The following SLC25A33 variants were observed in gnomAD, a reference collection of about 807,000 sequenced individuals.
SLC25A33 encodes the protein bone marrow stromal cell mitochondrial carrier protein.
In SLC25A33, 15 loss-of-function variants were observed where a neutral mutation model predicts 35.5. The ratio of observed to expected loss-of-function variants is 0.42; its 90% CI spans 0.28 to 0.65. The LOEUF is 0.65. SLC25A33 is among the 30% of genes least tolerant of loss of function. SLC25A33 has a pLI of 0.20. For synonymous variants in SLC25A33, 136 were observed against 148.7 expected, an observed-to-expected ratio of 0.91 and a Z score of 0.62; for missense variants, 257 against 398.5, an observed-to-expected ratio of 0.64 and a Z score of 3.02.
intron 1 of SLC25A33, among the ~76,000 whole-genome samples, chr1:9,549,643 CAG>C (rs1419536810): frequency 1.4e-5 from 2 of 140,698 alleles, no homozygotes; most frequent in African/African-American, 2.7e-5. Flanking sequence ...TTTTTTGATA[CAG>C]AGTCTTGCTC....
At position 9,578,002 on chromosome 1, in the gene SLC25A33, G is replaced by A. The variant is rs1387765230; in HGVS notation, c.483-1952G>A. Among the ~76,000 whole-genome samples, 1 of 152,068 alleles carries A rather than the reference G, an allele frequency of 6.6e-6. No homozygotes were observed. ...GCAGTGGTGCATCTCAGCTCACTGCGAGCTCCGCCTCCCGGGTGCACGCCA... is the reference window on the plus strand; with the variant it reads ...GCAGTGGTGCATCTCAGCTCACTGCAAGCTCCGCCTCCCGGGTGCACGCCA... On this transcript the variant is annotated intron_variant, in intron 5 of 6. Transcript: ENST00000302692. The surrounding 1 kb of genome is among the most constrained non-coding windows in gnomAD (Gnocchi z 4.3).
At chr1:9,558,682 A>G (rs1164056542) in intron 2 of SLC25A33, among the ~76,000 whole-genome samples, 1 of 152,020 alleles carries the variant, frequency 6.6e-6, no homozygotes, top group East Asian at 1.9e-4. Flanking sequence ...AAATCCTATC[A>G]AGTCTACCTT....
intron 1 of SLC25A33, among the ~76,000 whole-genome samples, chr1:9,548,580 T>C (rs1285337423): frequency 6.6e-6 from 1 of 152,176 alleles, no homozygotes; most frequent in African/African-American, 2.4e-5. Context: ...AGACTCTGTC[T>C]CAACAACAAA....
At chr1:9,540,241 G>A (rs530615006) in intron 1 of SLC25A33, among the ~76,000 whole-genome samples, 2 of 152,330 alleles carry the variant, frequency 1.3e-5, no homozygotes, top group African/African-American at 2.4e-5. Context: ...TTGGACGTCA[G>A]CAAGGCCTGG....
intron 5 of SLC25A33, chr1:9,576,684 G>A: frequency 1.5e-6 from 1 of 652,142 alleles, no homozygotes; most frequent in Non-Finnish European, 2.9e-6. Flanking sequence ...TCTGTTACAA[G>A]ATGAGGTCTG....
chr1:9,542,362 T>C (rs1428430669), intron 1 of SLC25A33, among the ~76,000 whole-genome samples: 2 of 152,142 alleles, frequency 1.3e-5, no homozygotes, highest in Non-Finnish European at 2.9e-5. Context: ...CCTGAAGCCA[T>C]TGTATTTAAC....
chr1:9,571,826 A>AC, intron 4 of SLC25A33, among the ~76,000 whole-genome samples: 3 of 152,032 alleles, frequency 2.0e-5, no homozygotes, highest in Admixed American at 1.3e-4. Flanking sequence ...TTTTTTGTAG[A>AC]AATGGAGTTT....
At chr1:9,560,966 T>TC (rs1183306233) in intron 2 of SLC25A33, among the ~76,000 whole-genome samples, 21 of 151,790 alleles carry the variant, frequency 1.4e-4, no homozygotes, top group Admixed American at 1.0e-3. Flanking sequence ...TTTTTTTTTT[T>TC]TGAGGCAGAG....
chr1:9,553,203 G>GTTTTTTTTTTTTTTTTTTTTTTTTTTGT (rs550067186), intron 1 of SLC25A33, among the ~76,000 whole-genome samples: 1 of 56,486 alleles, frequency 1.8e-5, no homozygotes, highest in Non-Finnish European at 3.2e-5. Context: ...TTCTAGTTTT[G>GTTTTTTTTTTTTTTTTTTTTTTTTTTGT]TTTTTTTTTT....
At chr1:9,539,943 A>C (rs948481986) in intron 1 of SLC25A33, among the ~76,000 whole-genome samples, 196 bp downstream of exon 1, 1 of 151,934 alleles carries the variant, frequency 6.6e-6, no homozygotes, top group African/African-American at 2.4e-5. Context: ...CCTCACCCCT[A>C]CGTCCTGACC....
chr1:9,544,269 T>G (rs533786254), intron 1 of SLC25A33, among the ~76,000 whole-genome samples: 6 of 152,072 alleles, frequency 3.9e-5, no homozygotes, highest in Non-Finnish European at 4.4e-5. Flanking sequence ...GGTTAGTTTT[T>G]TTTTTTTTTC....
At chr1:9,545,179 G>A (rs1242217771) in intron 1 of SLC25A33, among the ~76,000 whole-genome samples, 1 of 151,884 alleles carries the variant, frequency 6.6e-6, no homozygotes, top group Non-Finnish European at 1.5e-5. Flanking sequence ...AGAGGAATGG[G>A]GAGGGGAGTT....
At chr1:9,575,547 G>A (rs945962190) in intron 5 of SLC25A33, among the ~76,000 whole-genome samples, 3 of 151,378 alleles carry the variant, frequency 2.0e-5, no homozygotes, top group Admixed American at 2.0e-4. Context: ...CCCGGGAGGT[G>A]GAGGTTGCAG....
chr1:9,551,418 G>A (rs546779477), intron 1 of SLC25A33, among the ~76,000 whole-genome samples: 107 of 152,226 alleles, frequency 7.0e-4, no homozygotes, highest in African/African-American at 2.5e-3. Context: ...TCCCTCATGG[G>A]GATTTTACTT....
intron 2 of SLC25A33, among the ~76,000 whole-genome samples, chr1:9,563,603 CAG>C (rs1486595617): frequency 1.3e-5 from 2 of 152,160 alleles, no homozygotes; most frequent in Non-Finnish European, 2.9e-5. Flanking sequence ...ATAGAATTGA[CAG>C]GATTTACTTT....
At chr1:9,564,763 T>C (rs58555142) in intron 2 of SLC25A33, among the ~76,000 whole-genome samples, 2,039 of 129,574 alleles carry the variant, frequency 0.016, 69 homozygotes, top group African/African-American at 0.055. Context: ...TATATATATA[T>C]ATACACAAAA....
rs560727023 is a variant in SLC25A33, at chr1:9,553,529, G to A, written c.57-97G>A. ...ATTACAGGCGTGAGCCACCGCGCCC[G>A]GCACGTTCTAGTTTTAAAGAGAGAA... is the stretch of plus-strand genomic sequence containing the variant. On this transcript the variant is annotated intron_variant, in intron 1 of 6. Transcript: ENST00000302692. The A allele has an allele frequency of 6.6e-5, 95 of 1,428,728 alleles. No individual in the cohort carries two copies. The African/African-American group carries it at 7.1e-4, about 11-fold the overall frequency. The allele number at this position is 1,428,728 out of a possible 1,614,324, so 88.5% of individuals were successfully genotyped here. A position where few individuals can be genotyped will look rare whatever the true frequency, so the allele number is the denominator to read the frequency against.
chr1:9,574,984 C>T lies in SLC25A33; in HGVS notation c.482+1572C>T, dbSNP rs577077322. On this transcript the variant is annotated intron_variant, in intron 5 of 6. Transcript: ENST00000302692. ...ATCCCAGCACTTTGAGAGGCTGAGG[C>T]GGGCAGATCACGAGGTCAGGAGATC... 1.4e-4 allele frequency among the ~76,000 whole-genome samples: 22 copies of T among 152,058 alleles called. No homozygotes were observed. The South Asian group carries it at 3.7e-3, about 26-fold the overall frequency.
chr1:9,554,259 C>A (rs1380183943), intron 2 of SLC25A33, among the ~76,000 whole-genome samples: 1 of 152,208 alleles, frequency 6.6e-6, no homozygotes, highest in African/African-American at 2.4e-5. Context: ...TCTTGGCTCG[C>A]TGCAGGTGAT....
Sources: allele counts gnomAD v4.1 joint callset (sites outside exome capture counted in the v4.1 genomes callset), GRCh38; gene constraint gnomAD v4.1.1; non-coding constraint Gnocchi (gnomAD v3.1); transcripts MANE v1.5; gene names NCBI Gene and HGNC (gene_info 2026-07-23, HGNC 2026-07-21).